Variants in PMVK observed in about 807,000 individuals in gnomAD.
PMVK encodes phosphomevalonate kinase.
In PMVK, 10 loss-of-function variants were observed where a neutral mutation model predicts 19.0. The observed-to-expected ratio is 0.53, with a 90% CI of 0.32 to 0.89. The LOEUF (loss-of-function observed/expected upper bound fraction) is 0.89. Among genes scored for constraint, PMVK ranks in the 40% least tolerant of loss-of-function variants. The pLI is 0.03. For synonymous variants in PMVK, 108 were observed against 101.6 expected (o/e 1.06, Z -0.38); for missense variants, 222 against 251.1 (o/e 0.88, Z 0.78).
upstream of PMVK, among the ~76,000 whole-genome samples, chr1:154,940,986 C>G (rs979181770): frequency 6.6e-6 from 1 of 152,230 alleles, no homozygotes; most frequent in South Asian, 2.1e-4. Context: ...ATCTCACCCT[C>G]GGGACAGCCT....
rs1466197149 is a variant in PMVK at position 154,929,136 on chromosome 1, G to A, written c.200C>T (p.Thr67Ile). 2 of 1,614,058 alleles carry A rather than the reference G, an allele frequency of 1.2e-6. No individual in the cohort carries two copies. The highest frequency in any genetic ancestry group is 1.7e-6 in the Non-Finnish European group (2 of 1,179,908). The change falls in exon 3 of 5, where the codon ACC becomes ATC. Residue 67 changes from threonine (T) to isoleucine (I), a missense_variant. By Grantham distance (89) the Thr-to-Ile change is moderately conservative. Coordinates refer to ENST00000368467, the MANE Select transcript of PMVK (RefSeq NM_006556.4). ...LNFQRLLDTS[T>I]YKEAFRKDMI... ...GTCCTTCCGAAAGGCCTCCTTGTAG[G>A]TGCTGGTGTCCAGGAGTCTCTGGAA...
In PMVK at chr1:154,926,341, T is replaced by C. The variant is rs1167476763; in HGVS notation, c.442+13A>G. The C allele has an allele frequency of 1.9e-6, 3 of 1,611,226 alleles. No homozygotes were observed. Among genetic ancestry groups the C allele is most frequent in the East Asian group, 2.2e-5 (1 of 44,870 alleles). On this transcript the variant is annotated intron_variant, in intron 4 of 4. Transcript: ENST00000368467. Reference sequence around the variant, plus strand: ...CCTGTGTCCTCCTGTGCCCTACACATAGAGTGGCTCACCTGGCGTGAACAC... The same window carrying C: ...CCTGTGTCCTCCTGTGCCCTACACACAGAGTGGCTCACCTGGCGTGAACAC...
In PMVK at chr1:154,928,774, A is replaced by AAAATAAATAAATAAAT. The variant is rs55948301; in HGVS notation, c.312+234_312+249dup. On this transcript the variant is annotated intron_variant, in intron 3 of 4. Coordinates refer to ENST00000368467, the MANE Select transcript of PMVK (RefSeq NM_006556.4). Reference sequence around the variant, plus strand: ...GCGACAAGTGTGAGACTCCATCTCAAAAATAAATAAATAAATAAATAAATA... The same window carrying AAAATAAATAAATAAAT: ...GCGACAAGTGTGAGACTCCATCTCAAAAATAAATAAATAAATAAATAAATAAATAAATAAATAAATA... 5.6e-5 allele frequency among the ~76,000 whole-genome samples: 8 copies of AAAATAAATAAATAAAT among 142,082 alleles called. 1 individual carries two copies. The highest frequency in any genetic ancestry group is 1.6e-4 in the African/African-American group (6 of 37,388). 93.2% of individuals were successfully genotyped at this position (142,082 alleles called of 152,430 possible).
At chr1:154,941,698 C>A (rs1455230850), upstream of PMVK, among the ~76,000 whole-genome samples, 1 of 152,194 alleles carries the variant, frequency 6.6e-6, no homozygotes, top group African/African-American at 2.4e-5. Flanking sequence ...TAGGGGTGGT[C>A]AGGCTGGGAA....
upstream of PMVK, among the ~76,000 whole-genome samples, chr1:154,940,804 A>G (rs575931573): frequency 1.3e-5 from 2 of 152,304 alleles, no homozygotes; most frequent in African/African-American, 4.8e-5. Flanking sequence ...GCTAGTTAGC[A>G]TCTTTTCCCG....
At chr1:154,929,297 T>A in intron 2 of PMVK, 121 bp from the exon 3 acceptor site, 1 of 884,084 alleles carries the variant, frequency 1.1e-6, no homozygotes, top group Non-Finnish European at 1.8e-6. Context: ...CAAGGATTAA[T>A]GAGGTTTCAG....
At chr1:154,927,782 A>G (rs906852134) in intron 3 of PMVK, among the ~76,000 whole-genome samples, 2 of 152,082 alleles carry the variant, frequency 1.3e-5, no homozygotes, top group Non-Finnish European at 2.9e-5. Flanking sequence ...ATATCCATTC[A>G]GTTATCCCTT....
intron 2 of PMVK, among the ~76,000 whole-genome samples, chr1:154,930,971 C>T (rs906882779): frequency 6.6e-6 from 1 of 152,048 alleles, no homozygotes; most frequent in Non-Finnish European, 1.5e-5. Context: ...CACCTGTATT[C>T]CTAGCTACTT....
chr1:154,936,197 T>A (rs993924498), intron 1 of PMVK, among the ~76,000 whole-genome samples: 4 of 152,080 alleles, frequency 2.6e-5, no homozygotes, highest in Non-Finnish European at 5.9e-5. Flanking sequence ...TTCTTCTACC[T>A]CAGGCTCCTG....
chr1:154,939,502 G>A (rs192502948), upstream of PMVK, among the ~76,000 whole-genome samples: 6 of 151,588 alleles, frequency 4.0e-5, no homozygotes, highest in Non-Finnish European at 8.8e-5. Context: ...TGGGTAACAC[G>A]GTGAAACCCC....
At chr1:154,928,954 CAGAG>C (rs1354025076) in intron 3 of PMVK, 66 bp downstream of exon 3, 19 of 1,471,506 alleles carry the variant, frequency 1.3e-5, no homozygotes, top group Non-Finnish European at 1.4e-5. Flanking sequence ...GCAGTGGAGA[CAGAG>C]AGAGATGGAC....
At chr1:154,941,999 A>G in the PMVK span, among the ~76,000 whole-genome samples, 1 of 152,168 alleles carries the variant, frequency 6.6e-6, no homozygotes, top group South Asian at 2.1e-4. Flanking sequence ...ACTGGGGACT[A>G]CCAGGAAATG....
chr1:154,940,643 C>T (rs1439452433), upstream of PMVK, among the ~76,000 whole-genome samples: 2 of 152,336 alleles, frequency 1.3e-5, no homozygotes, highest in Admixed American at 6.5e-5. Context: ...AAAGGCCACC[C>T]CTTTCTTCCT....
chr1:154,939,829 C>T (rs748190283), upstream of PMVK, among the ~76,000 whole-genome samples: 3 of 151,944 alleles, frequency 2.0e-5, no homozygotes, highest in Non-Finnish European at 4.4e-5. Context: ...AGTGGCGGAT[C>T]ATAAGCTCAC....
chr1:154,925,992 C>CAG (rs895864542), intron 4 of PMVK, among the ~76,000 whole-genome samples: 1 of 152,180 alleles, frequency 6.6e-6, no homozygotes, highest in African/African-American at 2.4e-5. Flanking sequence ...CTGAAGCTCC[C>CAG]AGCAGAACTT....
chr1:154,928,448 A>T (rs1654235458), intron 3 of PMVK, among the ~76,000 whole-genome samples: 2 of 152,172 alleles, frequency 1.3e-5, no homozygotes, highest in Non-Finnish European at 2.9e-5. Context: ...TCTAAACAGA[A>T]GAGTGACATC....
upstream of PMVK, among the ~76,000 whole-genome samples, chr1:154,939,757 C>T (rs1654602861): frequency 6.6e-6 from 1 of 151,366 alleles, no homozygotes; most frequent in Admixed American, 6.6e-5. Context: ...AGATGACAGC[C>T]ATGGCTTGTT....
At chr1:154,931,093 GA>G (rs1437472783) in intron 2 of PMVK, among the ~76,000 whole-genome samples, 1 of 150,638 alleles carries the variant, frequency 6.6e-6, no homozygotes, top group Admixed American at 6.6e-5. Context: ...GTCTCAAAAA[GA>G]AAAAAAAATA....
chr1:154,928,562 A>T (rs1392166181), intron 3 of PMVK, among the ~76,000 whole-genome samples: 2 of 152,124 alleles, frequency 1.3e-5, no homozygotes, highest in Non-Finnish European at 2.9e-5. Flanking sequence ...ACCTGAGGTC[A>T]GGAGTTCGAG....
Sources: gnomAD v4.1 joint callset for allele counts (sites outside exome capture counted in the v4.1 genomes callset) on GRCh38, gnomAD v4.1.1 for gene constraint, MANE v1.5 for transcripts, NCBI Gene and HGNC (gene_info 2026-07-23, HGNC 2026-07-21) for gene names.